DNAJC10: variants seen among roughly 807,000 people sequenced by gnomAD.
DNAJC10 encodes endoplasmic reticulum disulfide reductase DNAJC10.
A neutral mutation model predicts 115.0 loss-of-function variants in DNAJC10; 101 were observed. The observed-to-expected ratio is 0.88, with a 90% confidence interval of 0.75 to 1.04. The LOEUF (loss-of-function observed/expected upper bound fraction) is 1.04, where lower values mean the gene tolerates loss of function less well. Ranked by LOEUF, DNAJC10 falls within the 50% of genes least tolerant of loss-of-function variation. The pLI, the probability that DNAJC10 is intolerant of heterozygous loss-of-function variation, is 0.00. For synonymous variants in DNAJC10, 307 were observed against 301.5 expected (o/e 1.02, Z -0.19); for missense variants, 981 against 928.8 (o/e 1.06, Z -0.73).
rs944057796 is a variant in DNAJC10 at position 182,782,034 on chromosome 2, C to G, written c.*4902C>G. On this transcript the variant is annotated 3_prime_UTR_variant, in exon 24 of 24. Transcript: ENST00000264065. ...TGAAGTCTTTGCCCATGCCTATGTCCTGAATGGTGTTGCCTAGGTTTTCTT... is the reference window on the plus strand; with the variant it reads ...TGAAGTCTTTGCCCATGCCTATGTCGTGAATGGTGTTGCCTAGGTTTTCTT... 4 of 152,154 alleles carry G rather than the reference C, an allele frequency of 2.6e-5. No individual in the cohort carries two copies. The highest frequency in any genetic ancestry group is 5.9e-5 in the Non-Finnish European group (4 of 68,036). The allele number at this position is 152,154 out of a possible 1,614,324, so 9.4% of individuals were successfully genotyped here. A position where few individuals can be genotyped will look rare whatever the true frequency, so the allele number is the denominator to read the frequency against.
At position 182,788,564 on chromosome 2, in the gene DNAJC10, A is replaced by G. The variant is rs1467684365; in HGVS notation, c.*11432A>G. 5 of 206,284 alleles carry G rather than the reference A, an allele frequency of 2.4e-5. No individual in the cohort carries two copies. The highest frequency in any genetic ancestry group is 1.8e-4 in the Admixed American group (3 of 16,748). 12.8% of individuals were successfully genotyped at this position (206,284 alleles called of 1,614,324 possible). A position where few individuals can be genotyped will look rare whatever the true frequency, so the allele number is the denominator to read the frequency against. On this transcript the variant is annotated 3_prime_UTR_variant, in exon 24 of 24. Transcript: ENST00000264065. ...AAATATCTTGGAAATAAGGATGGAC[A>G]GTTTAAGTACTTATCTCAAAAGGAA...
chr2:182,783,377 T>C lies in DNAJC10; in HGVS notation c.*6245T>C, dbSNP rs939720013. On this transcript the variant is annotated 3_prime_UTR_variant, in exon 24 of 24. Coordinates refer to ENST00000264065, the MANE Select transcript of DNAJC10 (RefSeq NM_018981.4). ...AAAGTCCCACCTATGCATTGAAATA[T>C]CTTTCTCAAGTCATTAGATAAAGTA... is the stretch of plus-strand genomic sequence containing the variant. The C allele has an allele frequency of 6.6e-6, 1 of 152,188 alleles. No homozygotes were observed. The highest frequency in any genetic ancestry group is 2.4e-5 in the African/African-American group (1 of 41,462). The allele number at this position is 152,188 out of a possible 1,614,324, so 9.4% of individuals were successfully genotyped here.
rs1559036852 is a variant in DNAJC10, at chr2:182,792,569, A to C, written c.*15437A>C. The C allele has an allele frequency of 4.6e-5, 7 of 152,200 alleles. No homozygotes were observed. 9.4% of individuals were successfully genotyped at this position (152,200 alleles called of 1,614,324 possible). On this transcript the variant is annotated 3_prime_UTR_variant, in exon 24 of 24. Transcript: ENST00000264065. ...TTTGCTCCCCACAGATTACAGACCT[A>C]TTGGCTTAAGCAGTCCATCTAAATG...
intron 14 of DNAJC10, among the ~76,000 whole-genome samples, chr2:182,744,759 A>G (rs1390947669): frequency 6.6e-6 from 1 of 152,330 alleles, no homozygotes; most frequent in African/African-American, 2.4e-5. Context: ...TGACAGACAT[A>G]CTAGAAACTA....
At chr2:182,740,907 A>T (rs1693716969) in intron 12 of DNAJC10, among the ~76,000 whole-genome samples, 2 of 152,140 alleles carry the variant, frequency 1.3e-5, no homozygotes, top group South Asian at 4.1e-4. Context: ...TGAAGTCTGT[A>T]TCACTACGAG....
chr2:182,740,132 C>A, intron 11 of DNAJC10, 167 bp from the exon 12 acceptor site: 3 of 1,132,280 alleles, frequency 2.6e-6, no homozygotes, highest in Non-Finnish European at 2.2e-6. Context: ...TTGATAATTG[C>A]CAAAATACAC....
Position 182,780,880 on chromosome 2 carries a change from A to G in DNAJC10, c.*3748A>G, listed in dbSNP as rs1694828707. The G allele has an allele frequency of 6.6e-6, 1 of 152,046 alleles. No homozygotes were observed. Among genetic ancestry groups the G allele is most frequent in the Non-Finnish European group, 1.5e-5 (1 of 67,998 alleles). The allele number at this position is 152,046 out of a possible 1,614,324, so 9.4% of individuals were successfully genotyped here. A position where few individuals can be genotyped will look rare whatever the true frequency, so the allele number is the denominator to read the frequency against. On this transcript the variant is annotated 3_prime_UTR_variant, in exon 24 of 24. Transcript: ENST00000264065. Reference sequence around the variant, plus strand: ...CATTAAGTAGTCATTTGAGTGCATCACCTAGTGGCCTTTGGTCCTGAAAGT... The same window carrying G: ...CATTAAGTAGTCATTTGAGTGCATCGCCTAGTGGCCTTTGGTCCTGAAAGT...
chr2:182,735,928 T>G (rs1693572731), intron 10 of DNAJC10, among the ~76,000 whole-genome samples: 2 of 152,138 alleles, frequency 1.3e-5, no homozygotes. Flanking sequence ...CCTGAAAGAC[T>G]ATTGGACAGC....
intron 18 of DNAJC10, 49 bp from the exon 19 acceptor site, chr2:182,757,643 G>T (rs758552487): frequency 8.0e-6 from 11 of 1,368,370 alleles, no homozygotes; most frequent in Non-Finnish European, 1.1e-5. Flanking sequence ...TTTCTTTATT[G>T]CAAACATATG....
In DNAJC10 at chr2:182,756,322, G is replaced by A. The variant is rs757618696; in HGVS notation, c.1662G>A (p.Met554Ile). 4.3e-6 allele frequency: 7 copies of A among 1,611,244 alleles called. No individual in the cohort carries two copies. Among genetic ancestry groups the A allele is most frequent in the Middle Eastern group, 3.3e-4 (2 of 6,058 alleles). Reference protein sequence around the residue: ...EQILEFIEDLMNPSVVSLTPT... With the variant: ...EQILEFIEDLINPSVVSLTPT... ...AGCTATATTCTCTTCAGGATCTTATGAATCCTTCAGTGGTCTCCCTTACAC... is the reference window on the plus strand; with the variant it reads ...AGCTATATTCTCTTCAGGATCTTATAAATCCTTCAGTGGTCTCCCTTACAC... Residue 554 changes from methionine to isoleucine, a missense_variant, in exon 18 of 24, where the codon ATG (methionine) becomes ATA (isoleucine). Coordinates refer to ENST00000264065, the MANE Select transcript of DNAJC10 (RefSeq NM_018981.4).
rs754765063 is a variant in DNAJC10 at position 182,752,068 on chromosome 2, C to G, written c.1435-4C>G. ...GGTGCTTATGAATATTTTTTCTTTC[C>G]TAGTGGTGTCCACCATGTCGAGCTT... On this transcript the variant is annotated splice_region_variant and splice_polypyrimidine_tract_variant and intron_variant, in intron 15 of 23. Transcript: ENST00000264065. 5 of 1,603,192 alleles carry G rather than the reference C, an allele frequency of 3.1e-6. No individual in the cohort carries two copies. Among genetic ancestry groups the G allele is most frequent in the Non-Finnish European group, 4.3e-6 (5 of 1,173,254 alleles).
At chr2:182,753,674 C>T (rs1694085340) in intron 16 of DNAJC10, among the ~76,000 whole-genome samples, 2 of 150,852 alleles carry the variant, frequency 1.3e-5, no homozygotes, top group African/African-American at 2.4e-5. Flanking sequence ...GCTCCACCCC[C>T]CGGGTTCATG....
rs777359496 is a variant in DNAJC10, at chr2:182,752,143, G to C, written c.1506G>C (p.Lys502Asn). Residue 502 changes from lysine to asparagine, a missense_variant, in exon 16 of 24, where the codon AAG (lysine) becomes AAC (asparagine). Coordinates refer to ENST00000264065, the MANE Select transcript of DNAJC10 (RefSeq NM_018981.4). ...CAAATCTTCTTTATGGTCAGCTTAA[G>C]TTTGGTACACTAGATTGTACAGTTC... ...RASNLLYGQL[K>N]FGTLDCTVHE... is the part of the protein sequence containing the mutation. 6.2e-7 allele frequency: 1 copy of C among 1,613,578 alleles called. No homozygotes were observed. Among genetic ancestry groups the C allele is most frequent in the Non-Finnish European group, 8.5e-7 (1 of 1,179,676 alleles).
intron 11 of DNAJC10, among the ~76,000 whole-genome samples, chr2:182,738,866 C>T (rs2105640941): frequency 6.6e-6 from 1 of 152,190 alleles, no homozygotes; most frequent in African/African-American, 2.4e-5. Context: ...AAATATAAAA[C>T]AGTATGCCAG....
chr2:182,752,114 G>A lies in DNAJC10; in HGVS notation c.1477G>A (p.Ala493Thr), dbSNP rs532543875. 6 of 1,613,700 alleles carry A rather than the reference G, an allele frequency of 3.7e-6. No individual in the cohort carries two copies. Among genetic ancestry groups the A allele is most frequent in the South Asian group, 2.2e-5 (2 of 91,032 alleles). The change falls in exon 16 of 24, where the codon GCA becomes ACA. Residue 493 changes from alanine to threonine, a missense_variant. By Grantham distance (58) the Ala-to-Thr change is moderately conservative (BLOSUM62 0). Coordinates refer to ENST00000264065, the MANE Select transcript of DNAJC10 (RefSeq NM_018981.4). ...AGCTTTACTACCAGAGTTACGAAGA[G>A]CATCAAATCTTCTTTATGGTCAGCT... ...CRALLPELRRASNLLYGQLKF... is the reference protein window; with the variant it reads ...CRALLPELRRTSNLLYGQLKF...
rs1010331462 is a variant in DNAJC10, at chr2:182,786,550, C to T, written c.*9418C>T. On this transcript the variant is annotated 3_prime_UTR_variant, in exon 24 of 24. Transcript: ENST00000264065. ...TGAACCTGCCTGAAGGCACAGGGTA[C>T]ACCATCTTCCTAAGGTGTGACCTCC... 6.6e-6 allele frequency: 1 copy of T among 152,144 alleles called. No individual in the cohort carries two copies. The highest frequency in any genetic ancestry group is 1.5e-5 in the Non-Finnish European group (1 of 68,038). 9.4% of individuals were successfully genotyped at this position (152,144 alleles called of 1,614,324 possible).
intron 5 of DNAJC10, among the ~76,000 whole-genome samples, chr2:182,723,630 C>G (rs899225356): frequency 6.6e-6 from 1 of 152,110 alleles, no homozygotes; most frequent in Non-Finnish European, 1.5e-5. Context: ...TCTCTCATCT[C>G]CTAATATATC....
In DNAJC10 at chr2:182,779,260, C is replaced by G. The variant is rs963180842; in HGVS notation, c.*2128C>G. ...TATTGGGTCTTTCAAAAACAGCTGG[C>G]AGATTGAGCTTTTAATGGCTATATT... On this transcript the variant is annotated 3_prime_UTR_variant, in exon 24 of 24. Coordinates refer to ENST00000264065, the MANE Select transcript of DNAJC10 (RefSeq NM_018981.4). 3.9e-5 allele frequency: 6 copies of G among 152,114 alleles called. No homozygotes were observed. The highest frequency in any genetic ancestry group is 9.7e-5 in the African/African-American group (4 of 41,430). The allele number at this position is 152,114 out of a possible 1,614,324, so 9.4% of individuals were successfully genotyped here. A position where few individuals can be genotyped will look rare whatever the true frequency, so the allele number is the denominator to read the frequency against.
chr2:182,747,091 T>G (rs1221854055), intron 14 of DNAJC10, among the ~76,000 whole-genome samples: 2 of 152,132 alleles, frequency 1.3e-5, no homozygotes, highest in African/African-American at 4.8e-5. Flanking sequence ...TTGATCTATA[T>G]CTCTGTTTTG....
Sources: gnomAD v4.1 joint callset for allele counts (sites outside exome capture counted in the v4.1 genomes callset) on GRCh38, gnomAD v4.1.1 for gene constraint, MANE v1.5 for transcripts, NCBI Gene and HGNC (gene_info 2026-07-23, HGNC 2026-07-21) for gene names.